CLDN14: variants seen among roughly 807,000 people sequenced by gnomAD.
CLDN14 encodes the protein claudin 14, also known as claudin-14.
A neutral mutation model predicts 2.1 loss-of-function variants in CLDN14; 2 were observed. That is an observed-to-expected ratio of 0.96 (90% CI 0.39 to 3.01). CLDN14 has a LOEUF of 3.01. CLDN14 is among the 30% of genes most tolerant of loss of function. CLDN14 has a pLI of 0.09. For missense variants in CLDN14, 298 were observed against 328.0 expected (o/e 0.91, Z 0.71); for synonymous variants, 136 against 154.4 (o/e 0.88, Z 0.88).
intron 1 of CLDN14, among the ~76,000 whole-genome samples, chr21:36,536,463 G>A (rs16994245): frequency 0.017 from 2,626 of 152,282 alleles, 83 homozygotes; most frequent in African/African-American, 0.06. Context: ...AAAATGTTCC[G>A]ACATTACCTG....
chr21:36,575,991 G>T (rs993076408), intron 1 of CLDN14, among the ~76,000 whole-genome samples: 5 of 152,140 alleles, frequency 3.3e-5, no homozygotes, highest in Non-Finnish European at 7.3e-5. Context: ...AATCGATCTT[G>T]CTATTAATCT....
intron 2 of CLDN14, among the ~76,000 whole-genome samples, chr21:36,500,119 T>C (rs1345182606): frequency 6.6e-6 from 1 of 152,200 alleles, no homozygotes; most frequent in Non-Finnish European, 1.5e-5. Flanking sequence ...TTCCCCCTTT[T>C]TGGTCTGTTT....
intron 1 of CLDN14, among the ~76,000 whole-genome samples, chr21:36,512,152 G>A (rs1443498943): frequency 1.3e-5 from 2 of 152,178 alleles, no homozygotes; most frequent in African/African-American, 4.8e-5. Flanking sequence ...GACTAGCTCA[G>A]GGAGAGGGAG....
chr21:36,503,093 G>A (rs573101370), intron 2 of CLDN14, among the ~76,000 whole-genome samples: 4 of 152,184 alleles, frequency 2.6e-5, no homozygotes, highest in South Asian at 4.2e-4. Context: ...TCACTCTTTC[G>A]CCCAGGCTGG....
chr21:36,463,939 A>G (rs1256448207), intron 1 of CLDN14, among the ~76,000 whole-genome samples: 1 of 152,164 alleles, frequency 6.6e-6, no homozygotes, highest in Admixed American at 6.5e-5. Flanking sequence ...ATAACAAAAC[A>G]ACGTGGTGCC....
At chr21:36,502,313 C>T (rs2146477878) in intron 2 of CLDN14, among the ~76,000 whole-genome samples, 1 of 152,302 alleles carries the variant, frequency 6.6e-6, no homozygotes, top group Middle Eastern at 3.4e-3. Flanking sequence ...GGCTGGCTCC[C>T]ATGAAATACT....
chr21:36,568,117 T>G (rs564205397), intron 1 of CLDN14, among the ~76,000 whole-genome samples: 1 of 152,222 alleles, frequency 6.6e-6, no homozygotes, highest in South Asian at 2.1e-4. Context: ...AGTGGGAGGT[T>G]ACAGAGTGGA....
intron 2 of CLDN14, among the ~76,000 whole-genome samples, chr21:36,507,950 T>C (rs921928638): frequency 2.0e-5 from 3 of 152,188 alleles, no homozygotes; most frequent in African/African-American, 7.2e-5. Flanking sequence ...AAGTTGTATA[T>C]AATTACCACA....
chr21:36,476,348 T>C (rs569155631), intron 1 of CLDN14, among the ~76,000 whole-genome samples: 54 of 152,302 alleles, frequency 3.5e-4, no homozygotes, highest in African/African-American at 1.3e-3. Flanking sequence ...TCTTACAACC[T>C]GGGTCCTCTT....
At chr21:36,480,591 A>G (rs2086834209), upstream of CLDN14, 1 of 152,200 alleles carries the variant, frequency 6.6e-6, no homozygotes, top group African/African-American at 2.4e-5. Flanking sequence ...ATGTGTAGCC[A>G]AAAGCCAGCA....
intron 1 of CLDN14, among the ~76,000 whole-genome samples, chr21:36,541,751 AG>A (rs2087490193): frequency 1.3e-5 from 2 of 152,224 alleles, no homozygotes; most frequent in South Asian, 4.1e-4. Context: ...GGCACTGGCC[AG>A]GGGCACAGGT....
chr21:36,532,876 A>G (rs1272991812), intron 1 of CLDN14, among the ~76,000 whole-genome samples: 1 of 152,148 alleles, frequency 6.6e-6, no homozygotes, highest in Non-Finnish European at 1.5e-5. Flanking sequence ...CTCTGGCCAT[A>G]TAAAGTTACC....
At chr21:36,486,309 A>G (rs1431958854) in intron 2 of CLDN14, 1 of 804,288 alleles carries the variant, frequency 1.2e-6, no homozygotes, top group East Asian at 2.4e-5. Context: ...TTGTTGGCTA[A>G]TGGTCATCTT....
At chr21:36,527,121 A>G (rs2087337848) in intron 1 of CLDN14, among the ~76,000 whole-genome samples, 1 of 152,258 alleles carries the variant, frequency 6.6e-6, no homozygotes, top group African/African-American at 2.4e-5. Context: ...GAGGGGTCCA[A>G]CACTGTGAAG....
At chr21:36,565,119 G>A (rs1344142577) in intron 1 of CLDN14, among the ~76,000 whole-genome samples, 1 of 152,196 alleles carries the variant, frequency 6.6e-6, no homozygotes, top group Non-Finnish European at 1.5e-5. Flanking sequence ...GTTCCTCAAT[G>A]TTTTCCTCTG....
intron 1 of CLDN14, among the ~76,000 whole-genome samples, chr21:36,570,755 G>T (rs1410724621): frequency 6.6e-6 from 1 of 152,198 alleles, no homozygotes; most frequent in African/African-American, 2.4e-5. Context: ...TCTTCTGTGT[G>T]TTTAAATTTT....
chr21:36,501,651 C>T (rs992874978), intron 2 of CLDN14, among the ~76,000 whole-genome samples: 4 of 152,044 alleles, frequency 2.6e-5, no homozygotes, highest in Admixed American at 6.6e-5. Flanking sequence ...TTGACAGGTA[C>T]GCCACCCCCT....
In CLDN14 at chr21:36,476,849, G is replaced by A. The variant is rs150142713; in HGVS notation, c.-82+2646C>T. On this transcript the variant is annotated intron_variant, in intron 1 of 1. Transcript: ENST00000399135. ...TTGGGTGAGTCTTCCAGAAAAGCCTGTGATAGTTTGATATAAAGACATTTA... is the reference window on the plus strand; with the variant it reads ...TTGGGTGAGTCTTCCAGAAAAGCCTATGATAGTTTGATATAAAGACATTTA... Among the ~76,000 whole-genome samples, 213 of 152,398 alleles carry A rather than the reference G, an allele frequency of 1.4e-3. 1 individual carries two copies. Among genetic ancestry groups the A allele is most frequent in the African/African-American group, 4.7e-3 (197 of 41,598 alleles).
chr21:36,502,363 T>C (rs2087098909), intron 2 of CLDN14, among the ~76,000 whole-genome samples: 1 of 152,190 alleles, frequency 6.6e-6, no homozygotes, highest in South Asian at 2.1e-4. Flanking sequence ...TATCACATTA[T>C]ACTACTGGAC....
Sources: gnomAD v4.1 joint callset for allele counts (sites outside exome capture counted in the v4.1 genomes callset) on GRCh38, gnomAD v4.1.1 for gene constraint, MANE v1.5 for transcripts, NCBI Gene and HGNC (gene_info 2026-07-23, HGNC 2026-07-21) for gene names.